Variants in AFG2A observed in about 807,000 individuals in gnomAD.
AFG2A encodes the protein ATPase family gene 2 protein homolog A.
chr4:123,006,299 C>T, the AFG2A span, among the ~76,000 whole-genome samples: 1 of 151,792 alleles, frequency 6.6e-6, no homozygotes, highest in South Asian at 2.1e-4. Context: ...TATAACATGT[C>T]CCCCGGCCCC....
the AFG2A span, among the ~76,000 whole-genome samples, chr4:123,134,377 G>A: frequency 1.3e-5 from 2 of 152,092 alleles, no homozygotes; most frequent in African/African-American, 4.8e-5. Flanking sequence ...CCCATTGTAT[G>A]TTCTTGGCAT....
chr4:123,032,531 A>C, the AFG2A span, among the ~76,000 whole-genome samples: 2,621 of 152,178 alleles, frequency 0.017, 32 homozygotes, highest in Admixed American at 0.033. Flanking sequence ...ATCTGGGGTT[A>C]CAGGCTCCCA....
the AFG2A span, among the ~76,000 whole-genome samples, chr4:122,947,835 T>TA: frequency 1.1e-3 from 160 of 152,202 alleles, no homozygotes; most frequent in African/African-American, 3.3e-3. Flanking sequence ...AATAAAAACT[T>TA]AAAAAATATA....
the AFG2A span, among the ~76,000 whole-genome samples, chr4:123,072,377 C>T: frequency 6.6e-6 from 1 of 152,220 alleles, no homozygotes; most frequent in Middle Eastern, 3.4e-3. Context: ...AGTCAGAATT[C>T]TCCATTTTCA....
At chr4:123,089,102 G>A in the AFG2A span, among the ~76,000 whole-genome samples, 5 of 152,082 alleles carry the variant, frequency 3.3e-5, no homozygotes, top group African/African-American at 9.7e-5. Context: ...TAATAAATTA[G>A]CGTTGTGATT....
At chr4:123,167,504 T>C in the AFG2A span, among the ~76,000 whole-genome samples, 6 of 152,082 alleles carry the variant, frequency 3.9e-5, no homozygotes, top group African/African-American at 9.6e-5. Flanking sequence ...CCCGCCACCA[T>C]GCCCAGCTAA....
chr4:123,131,380 A>G, the AFG2A span, among the ~76,000 whole-genome samples: 1 of 152,074 alleles, frequency 6.6e-6, no homozygotes. Context: ...TTTCTTTTCT[A>G]TCTTAGCAGT....
At chr4:122,957,930 A>G in the AFG2A span, among the ~76,000 whole-genome samples, 1 of 152,214 alleles carries the variant, frequency 6.6e-6, no homozygotes, top group Admixed American at 6.5e-5. Flanking sequence ...TGATTAGTTG[A>G]AGAATAATTT....
the AFG2A span, among the ~76,000 whole-genome samples, chr4:123,182,033 A>G: frequency 6.6e-6 from 1 of 152,192 alleles, no homozygotes; most frequent in Non-Finnish European, 1.5e-5. Context: ...CTCTGGTTGC[A>G]GGTAAGCTCT....
At chr4:123,115,732 ACCACAGC>A in the AFG2A span, among the ~76,000 whole-genome samples, 5 of 151,818 alleles carry the variant, frequency 3.3e-5, no homozygotes, top group African/African-American at 1.2e-4. Flanking sequence ...CCCGTGCCCC[ACCACAGC>A]CGGTCCCGGC....
At chr4:123,182,063 T>C in the AFG2A span, among the ~76,000 whole-genome samples, 19 of 152,306 alleles carry the variant, frequency 1.2e-4, no homozygotes, top group Non-Finnish European at 2.5e-4. Context: ...AGTTTCTACT[T>C]CCTGTTCATC....
the AFG2A span, among the ~76,000 whole-genome samples, chr4:123,062,389 T>C: frequency 5.3e-5 from 8 of 152,244 alleles, no homozygotes; most frequent in African/African-American, 1.7e-4. Flanking sequence ...ACTTTGATTT[T>C]GTTTTTAAAC....
the AFG2A span, among the ~76,000 whole-genome samples, chr4:123,124,536 T>C: frequency 8.2e-6 from 1 of 122,692 alleles, no homozygotes; most frequent in Non-Finnish European, 2.0e-5. Flanking sequence ...ATACGTAATG[T>C]AAATGACGAG....
chr4:122,950,324 G>A, the AFG2A span, among the ~76,000 whole-genome samples: 1 of 149,870 alleles, frequency 6.7e-6, no homozygotes, highest in Non-Finnish European at 1.5e-5. Context: ...TAAAGTACGA[G>A]CCCTAGTCAT....
chr4:123,157,599 G>C, the AFG2A span, among the ~76,000 whole-genome samples: 1 of 152,164 alleles, frequency 6.6e-6, no homozygotes, highest in Admixed American at 6.5e-5. Flanking sequence ...ACATAGCAAA[G>C]TATTAATTAA....
chr4:123,228,359 G>T, the AFG2A span, among the ~76,000 whole-genome samples: 1 of 151,782 alleles, frequency 6.6e-6, no homozygotes, highest in Non-Finnish European at 1.5e-5. Flanking sequence ...GGCTGGTACC[G>T]GTTGTTCCTT....
chr4:123,288,880 G>A, the AFG2A span, among the ~76,000 whole-genome samples: 1 of 152,014 alleles, frequency 6.6e-6, no homozygotes, highest in African/African-American at 2.4e-5. Flanking sequence ...CAGGGCCCAG[G>A]GTATTTAATC....
chr4:123,087,354 C>T, the AFG2A span, among the ~76,000 whole-genome samples: 1 of 152,122 alleles, frequency 6.6e-6, no homozygotes, highest in African/African-American at 2.4e-5. Flanking sequence ...TATTTTCATT[C>T]TCCCATGGGA....
At chr4:123,180,978 C>CTTTT in the AFG2A span, among the ~76,000 whole-genome samples, 59 of 118,366 alleles carry the variant, frequency 5.0e-4, 1 homozygote, top group South Asian at 5.3e-3. Context: ...TCCTCCCCCT[C>CTTTT]TTTTTTTTTT....
Sources: gnomAD v4.1 joint callset for allele counts (sites outside exome capture counted in the v4.1 genomes callset) on GRCh38, gnomAD v4.1.1 for gene constraint, MANE v1.5 for transcripts, NCBI Gene and HGNC (gene_info 2026-07-23, HGNC 2026-07-21) for gene names.